OPA3: variants seen among roughly 807,000 people sequenced by gnomAD.
OPA3 encodes the protein outer mitochondrial membrane lipid metabolism regulator OPA3.
A neutral mutation model predicts 4.0 loss-of-function variants in OPA3; 6 were observed. The observed-to-expected ratio is 1.51, with a 90% CI of 0.83 to 2.99. OPA3 has a LOEUF of 2.99. Among genes scored for constraint, OPA3 ranks in the 30% most tolerant of loss-of-function variants. The pLI is 0.00. For missense variants in OPA3, 235 were observed against 256.2 expected (o/e 0.92, Z 0.56); for synonymous variants, 105 against 117.1 (o/e 0.90, Z 0.67).
chr19:45,575,430 G>C (rs527284925), intron 1 of OPA3, among the ~76,000 whole-genome samples: 1 of 152,048 alleles, frequency 6.6e-6, no homozygotes, highest in Non-Finnish European at 1.5e-5. Flanking sequence ...TGGATCAGAT[G>C]GCTATGTAGA....
At chr19:45,572,296 TC>T (rs1377560367) in intron 1 of OPA3, among the ~76,000 whole-genome samples, 1 of 123,816 alleles carries the variant, frequency 8.1e-6, no homozygotes, top group Non-Finnish European at 1.8e-5. Flanking sequence ...TCGATATATA[TC>T]TCATATATAT....
chr19:45,563,221 T>G (rs1280595552), intron 1 of OPA3, among the ~76,000 whole-genome samples: 3 of 152,102 alleles, frequency 2.0e-5, no homozygotes, highest in African/African-American at 7.2e-5. Flanking sequence ...GTGCAGTGGC[T>G]CGATCTTGGC....
intron 1 of OPA3, among the ~76,000 whole-genome samples, chr19:45,538,390 CA>C: frequency 6.6e-6 from 1 of 152,100 alleles, no homozygotes; most frequent in South Asian, 2.1e-4. Flanking sequence ...TACTGCACTA[CA>C]TCCTGGGCAA....
Position 45,572,288 on chromosome 19 carries a change from G to A in OPA3, c.142+12335C>T, listed in dbSNP as rs1459676056. ...TAAAAATATATATAGTATATATATCGATATATATCTCATATATATCGACAT... is the reference window on the plus strand; with the variant it reads ...TAAAAATATATATAGTATATATATCAATATATATCTCATATATATCGACAT... On this transcript the variant is annotated intron_variant, in intron 1 of 1. Coordinates refer to ENST00000263275, the MANE Select transcript of OPA3 (RefSeq NM_025136.4). Among the ~76,000 whole-genome samples the A allele has an allele frequency of 7.8e-5, 9 of 115,932 alleles. No individual in the cohort carries two copies. The South Asian group carries it at 8.4e-4, about 11-fold the overall frequency. 76.1% of individuals were successfully genotyped at this position (115,932 alleles called of 152,430 possible).
intron 1 of OPA3, among the ~76,000 whole-genome samples, chr19:45,576,544 C>T (rs112608835): frequency 1.5e-5 from 2 of 130,690 alleles, no homozygotes; most frequent in African/African-American, 2.7e-5. Flanking sequence ...ATCCCCCCCC[C>T]CCCAAAAAAA....
intron 1 of OPA3, among the ~76,000 whole-genome samples, chr19:45,567,030 G>A (rs1969593189): frequency 6.6e-6 from 1 of 151,984 alleles, no homozygotes; most frequent in South Asian, 2.1e-4. Context: ...CTTTTATTAA[G>A]AGTAATAAAC....
intron 1 of OPA3, chr19:45,584,357 G>A (rs1969899927): frequency 2.0e-6 from 2 of 985,250 alleles, no homozygotes; most frequent in African/African-American, 1.7e-5. Context: ...TGGTTTAACA[G>A]GGCATCAGTC....
intron 1 of OPA3, among the ~76,000 whole-genome samples, chr19:45,539,115 CATAAGGGA>C (rs1969154153): frequency 6.6e-6 from 1 of 152,124 alleles, no homozygotes; most frequent in African/African-American, 2.4e-5. Context: ...AGGAGAACAG[CATAAGGGA>C]AACCACCCCC....
intron 1 of OPA3, among the ~76,000 whole-genome samples, chr19:45,572,663 CTA>C (rs889131767): frequency 1.4e-4 from 19 of 132,914 alleles, no homozygotes; most frequent in African/African-American, 2.0e-4. Flanking sequence ...TCATATATAT[CTA>C]TATGAGATAT....
chr19:45,529,398 G>A, exon 2 of OPA3: 1 of 1,614,228 alleles, frequency 6.2e-7, no homozygotes, highest in Non-Finnish European at 8.5e-7. Flanking sequence ...GCGGCTTGAT[G>A]GCAGCGGCAT....
At chr19:45,581,323 A>T (rs142790916) in intron 1 of OPA3, among the ~76,000 whole-genome samples, 1 of 152,076 alleles carries the variant, frequency 6.6e-6, no homozygotes, top group African/African-American at 2.4e-5. Context: ...AAAAAAGTGC[A>T]CTCCCTTAAT....
At chr19:45,555,530 G>A (rs138115534) in intron 1 of OPA3, among the ~76,000 whole-genome samples, 1,987 of 150,942 alleles carry the variant, frequency 0.013, 30 homozygotes, top group African/African-American at 0.045. Context: ...ACACTCTGTC[G>A]CCCAGGCTGG....
intron 1 of OPA3, among the ~76,000 whole-genome samples, chr19:45,565,142 G>A (rs1030766804): frequency 6.6e-6 from 1 of 152,142 alleles, no homozygotes; most frequent in South Asian, 2.1e-4. Flanking sequence ...GCTGAGGTAG[G>A]AGAATTGCTT....
intron 1 of OPA3, among the ~76,000 whole-genome samples, chr19:45,581,162 G>A (rs977578791): frequency 6.6e-6 from 1 of 152,108 alleles, no homozygotes; most frequent in Non-Finnish European, 1.5e-5. Context: ...AAATGAGATG[G>A]CTAACAGGAA....
At chr19:45,539,460 A>AT (rs1208264305) in intron 1 of OPA3, among the ~76,000 whole-genome samples, 1 of 152,034 alleles carries the variant, frequency 6.6e-6, no homozygotes, top group Non-Finnish European at 1.5e-5. Context: ...TAATATTTTT[A>AT]TTTTTTCTGC....
Position 45,548,062 on chromosome 19 carries a change from G to T in OPA3, c.*5452C>A. The T allele has an allele frequency of 1.1e-6, 1 of 947,690 alleles. No individual in the cohort carries two copies. Among genetic ancestry groups the T allele is most frequent in the Non-Finnish European group, 1.3e-6 (1 of 795,608 alleles). 58.7% of individuals were successfully genotyped at this position (947,690 alleles called of 1,614,324 possible). ...TCAGCTCCAGTGAGGGCCTCTGCTT[G>T]CTCCCAACTGGCTCCCAGCTACTAG... On this transcript the variant is annotated 3_prime_UTR_variant, in exon 2 of 2. Coordinates refer to ENST00000263275, the MANE Select transcript of OPA3 (RefSeq NM_025136.4).
At chr19:45,564,621 G>GC (rs1969555484) in intron 1 of OPA3, among the ~76,000 whole-genome samples, 1 of 152,166 alleles carries the variant, frequency 6.6e-6, no homozygotes, top group East Asian at 1.9e-4. Flanking sequence ...CCAGATAGGG[G>GC]CTCTGCTTAG....
At chr19:45,558,729 T>TA (rs1969458153) in intron 1 of OPA3, among the ~76,000 whole-genome samples, 1 of 151,974 alleles carries the variant, frequency 6.6e-6, no homozygotes, top group Admixed American at 6.6e-5. Flanking sequence ...GCTGTTTTTT[T>TA]TTTTTATTTT....
Position 45,547,579 on chromosome 19 carries a change from C to T in OPA3, c.*5935G>A, listed in dbSNP as rs1347696960. On this transcript the variant is annotated 3_prime_UTR_variant, in exon 2 of 2. Transcript: ENST00000263275. Reference sequence around the variant, plus strand: ...TACTCACAGCCCTCTTCCTATCTCCCTCCATCTGAAGCGCTGCCTCCTCCC... The same window carrying T: ...TACTCACAGCCCTCTTCCTATCTCCTTCCATCTGAAGCGCTGCCTCCTCCC... 1.3e-5 allele frequency: 2 copies of T among 152,870 alleles called. No homozygotes were observed. The highest frequency in any genetic ancestry group is 4.8e-5 in the African/African-American group (2 of 41,472). The allele number at this position is 152,870 out of a possible 1,614,324, so 9.5% of individuals were successfully genotyped here.
Sources: gnomAD v4.1 joint callset for allele counts (sites outside exome capture counted in the v4.1 genomes callset) on GRCh38, gnomAD v4.1.1 for gene constraint, MANE v1.5 for transcripts, NCBI Gene and HGNC (gene_info 2026-07-23, HGNC 2026-07-21) for gene names.